Variants in SUMF1 observed in about 807,000 individuals in gnomAD.
SUMF1 encodes the protein formylglycine-generating enzyme.
SUMF1 carries 48 observed loss-of-function variants against 47.6 expected under a neutral mutation model. That is an observed-to-expected ratio of 1.01 (90% CI 0.80 to 1.28). The LOEUF (loss-of-function observed/expected upper bound fraction) is 1.28, where lower values mean the gene tolerates loss of function less well. Ranked by LOEUF, SUMF1 falls within the 50% of genes most tolerant of loss-of-function variation. The pLI, the probability that SUMF1 is intolerant of heterozygous loss-of-function variation, is 0.00. For missense variants in SUMF1, 571 were observed against 485.4 expected (o/e 1.18, Z -1.66); for synonymous variants, 230 against 192.1 (o/e 1.20, Z -1.63).
At chr3:4,089,890 C>A (rs1464444611) in intron 8 of SUMF1, among the ~76,000 whole-genome samples, 1 of 152,134 alleles carries the variant, frequency 6.6e-6, no homozygotes, top group Non-Finnish European at 1.5e-5. Flanking sequence ...ATCACTACTG[C>A]AATCTCAGAC....
chr3:4,140,327 C>G (rs1694043302), intron 8 of SUMF1, among the ~76,000 whole-genome samples: 1 of 151,984 alleles, frequency 6.6e-6, no homozygotes, highest in African/African-American at 2.4e-5. Context: ...ACTAGGGTTC[C>G]TCTTTCTTTT....
chr3:4,272,677 A>C (rs310695), intron 8 of SUMF1, among the ~76,000 whole-genome samples: 97,943 of 152,100 alleles, frequency 0.64, 32,489 homozygotes, highest in African/African-American at 0.8. Context: ...CAGTGGCAAA[A>C]AGTGTAACTA....
intron 1 of SUMF1, among the ~76,000 whole-genome samples, chr3:4,466,087 C>G (rs2079937029): frequency 6.6e-6 from 1 of 152,080 alleles, no homozygotes; most frequent in African/African-American, 2.4e-5. Context: ...ACCGGGCAGA[C>G]AGATTGAAGT....
chr3:4,297,203 C>G (rs1281900597), intron 8 of SUMF1, among the ~76,000 whole-genome samples: 1 of 139,894 alleles, frequency 7.1e-6, no homozygotes, highest in African/African-American at 2.6e-5. Context: ...ATAAACATAA[C>G]TGTCTGTGAG....
chr3:4,101,318 C>T (rs1693027636), intron 8 of SUMF1, among the ~76,000 whole-genome samples: 1 of 152,034 alleles, frequency 6.6e-6, no homozygotes, highest in African/African-American at 2.4e-5. Flanking sequence ...TTAAAAAACA[C>T]AACAGGAAAT....
rs1200615906 is a variant in SUMF1 at position 4,073,658 on chromosome 3, A to G, written c.1015-4913T>C. 2.6e-5 allele frequency among the ~76,000 whole-genome samples: 4 copies of G among 152,192 alleles called. No homozygotes were observed. The East Asian group carries it at 7.7e-4, about 29-fold the overall frequency. On this transcript the variant is annotated intron_variant and NMD_transcript_variant, in intron 8 of 12. Coordinates refer to the SUMF1 transcript ENST00000448413. ...GGGGGAAGATCTACCAAGCAAATGGAAAGCAAAAACAAAAAGCAGGGGTTG... is the reference window on the plus strand; with the variant it reads ...GGGGGAAGATCTACCAAGCAAATGGGAAGCAAAAACAAAAAGCAGGGGTTG...
intron 8 of SUMF1, among the ~76,000 whole-genome samples, chr3:4,343,725 G>A (rs913480854): frequency 3.9e-5 from 6 of 152,194 alleles, no homozygotes; most frequent in Non-Finnish European, 7.3e-5. Flanking sequence ...AAACTAGTAC[G>A]ACCTTTTTGG....
intron 8 of SUMF1, among the ~76,000 whole-genome samples, chr3:4,287,969 C>G (rs1300321382): frequency 6.6e-6 from 1 of 152,178 alleles, no homozygotes; most frequent in Non-Finnish European, 1.5e-5. Flanking sequence ...ATCCATACTT[C>G]TCTTCTGCTC....
At chr3:4,136,901 G>A (rs1330956348) in intron 8 of SUMF1, among the ~76,000 whole-genome samples, 1 of 152,080 alleles carries the variant, frequency 6.6e-6, no homozygotes, top group African/African-American at 2.4e-5. Flanking sequence ...TCAGAGAAAT[G>A]CAAATCAAAA....
intron 8 of SUMF1, among the ~76,000 whole-genome samples, chr3:4,265,997 C>T (rs1697186457): frequency 6.6e-6 from 1 of 152,010 alleles, no homozygotes; most frequent in Non-Finnish European, 1.5e-5. Flanking sequence ...ATCCTTTCCC[C>T]ATTGCTTGTT....
chr3:4,320,316 G>A (rs1698801636), intron 8 of SUMF1, among the ~76,000 whole-genome samples: 1 of 152,172 alleles, frequency 6.6e-6, no homozygotes, highest in South Asian at 2.1e-4. Flanking sequence ...AAAAGGAACT[G>A]CAAGTAAGCA....
intron 7 of SUMF1, among the ~76,000 whole-genome samples, chr3:4,400,486 G>A (rs910350834): frequency 6.6e-6 from 1 of 152,144 alleles, no homozygotes; most frequent in South Asian, 2.1e-4. Context: ...CACACAGCAG[G>A]TGCTCAAAAA....
chr3:4,235,682 C>T (rs1242815), intron 8 of SUMF1, among the ~76,000 whole-genome samples: 96,967 of 151,918 alleles, frequency 0.64, 31,793 homozygotes, highest in African/African-American at 0.78. Context: ...CTGGACATTC[C>T]TAGAGAACCT....
chr3:4,286,285 T>G (rs1010629239), intron 8 of SUMF1, among the ~76,000 whole-genome samples: 2 of 152,110 alleles, frequency 1.3e-5, no homozygotes, highest in African/African-American at 4.8e-5. Flanking sequence ...GCAAGTTTCT[T>G]ATTGTTCCTT....
chr3:4,233,050 C>G (rs1696336642), intron 8 of SUMF1, among the ~76,000 whole-genome samples: 1 of 152,148 alleles, frequency 6.6e-6, no homozygotes, highest in African/African-American at 2.4e-5. Context: ...AAGCAAACAT[C>G]TGTACCCACT....
intron 7 of SUMF1, among the ~76,000 whole-genome samples, chr3:4,401,571 C>T (rs901610298): frequency 6.6e-6 from 1 of 152,158 alleles, no homozygotes; most frequent in African/African-American, 2.4e-5. Flanking sequence ...ACATCCTCAG[C>T]ACAACTTACA....
At chr3:4,198,567 A>G (rs571195217) in intron 8 of SUMF1, among the ~76,000 whole-genome samples, 13 of 152,284 alleles carry the variant, frequency 8.5e-5, no homozygotes, top group African/African-American at 2.9e-4. Context: ...AACAAATTGT[A>G]AACCCACAAC....
At chr3:4,191,660 T>A (rs1695317960) in intron 8 of SUMF1, among the ~76,000 whole-genome samples, 1 of 152,000 alleles carries the variant, frequency 6.6e-6, no homozygotes, top group South Asian at 2.1e-4. Flanking sequence ...GGACTTGGTG[T>A]TAATTAGATG....
At chr3:4,252,538 G>A (rs1696829359) in intron 8 of SUMF1, among the ~76,000 whole-genome samples, 1 of 152,064 alleles carries the variant, frequency 6.6e-6, no homozygotes, top group Non-Finnish European at 1.5e-5. Context: ...GGGAATGAAG[G>A]CAACCAAGCT....
Sources: gnomAD v4.1 joint callset for allele counts (sites outside exome capture counted in the v4.1 genomes callset) on GRCh38, gnomAD v4.1.1 for gene constraint, MANE v1.5 for transcripts, NCBI Gene and HGNC (gene_info 2026-07-23, HGNC 2026-07-21) for gene names.